NALF1: variants seen among roughly 807,000 people sequenced by gnomAD.
NALF1 encodes the protein NALCN channel auxiliary factor 1, also known as family with sequence similarity 155 member A.
Under a neutral mutation model 48.4 loss-of-function variants are expected in NALF1, and 3 were observed. The ratio of observed to expected loss-of-function variants is 0.06; its 90% confidence interval spans 0.03 to 0.16. The LOEUF (loss-of-function observed/expected upper bound fraction) is 0.16. NALF1 is among the 10% of genes least tolerant of loss of function. The probability of loss-of-function intolerance (pLI) is 1.00; values close to 1 mark genes in which losing one functional copy is unlikely to be tolerated. For missense variants in NALF1, 526 were observed against 571.5 expected, an observed-to-expected ratio of 0.92 and a Z score of 0.81; for synonymous variants, 262 against 245.7, an observed-to-expected ratio of 1.07 and a Z score of -0.62.
intron 1 of NALF1, among the ~76,000 whole-genome samples, chr13:107,596,452 A>G (rs1164094458): frequency 1.3e-5 from 2 of 152,238 alleles, no homozygotes; most frequent in African/African-American, 2.4e-5. Flanking sequence ...TTGGATAAAG[A>G]AAATGTGGCA....
chr13:107,839,895 T>A (rs2138634142), intron 1 of NALF1, among the ~76,000 whole-genome samples: 1 of 152,312 alleles, frequency 6.6e-6, no homozygotes, highest in African/African-American at 2.4e-5. Flanking sequence ...CTTAAACTTG[T>A]ATCTCCTTCC....
At chr13:107,294,829 A>G (rs1241038980) in intron 1 of NALF1, among the ~76,000 whole-genome samples, 1 of 152,216 alleles carries the variant, frequency 6.6e-6, no homozygotes, top group Non-Finnish European at 1.5e-5. Context: ...GGATAAGAGT[A>G]AAATACGTAC....
At chr13:107,303,056 G>T (rs1175950651) in intron 1 of NALF1, among the ~76,000 whole-genome samples, 1 of 152,086 alleles carries the variant, frequency 6.6e-6, no homozygotes, top group East Asian at 1.9e-4. Flanking sequence ...TTTATTTTTT[G>T]TTGTTGTTTG....
intron 1 of NALF1, among the ~76,000 whole-genome samples, chr13:107,857,014 T>C (rs969959154): frequency 1.3e-5 from 2 of 152,226 alleles, no homozygotes; most frequent in Non-Finnish European, 2.9e-5. Context: ...ACACAAAGCA[T>C]TGGATAGTAA....
chr13:107,675,563 A>G (rs1350556000), intron 1 of NALF1, among the ~76,000 whole-genome samples: 1 of 152,134 alleles, frequency 6.6e-6, no homozygotes, highest in African/African-American at 2.4e-5. Context: ...AAGTCCTCAA[A>G]TAAGTGTTTT....
At chr13:107,755,409 GTC>G (rs1237995138) in intron 1 of NALF1, among the ~76,000 whole-genome samples, 1 of 151,724 alleles carries the variant, frequency 6.6e-6, no homozygotes, top group Non-Finnish European at 1.5e-5. Flanking sequence ...GCTTTTGCTT[GTC>G]TCTACTTGGT....
intron 1 of NALF1, among the ~76,000 whole-genome samples, chr13:107,393,413 T>G (rs1382126047): frequency 6.6e-6 from 1 of 152,116 alleles, no homozygotes; most frequent in Non-Finnish European, 1.5e-5. Context: ...GTTTTCAAAT[T>G]TATCAATATT....
chr13:107,507,888 T>C (rs2491589), intron 1 of NALF1, among the ~76,000 whole-genome samples: 12,861 of 152,228 alleles, frequency 0.084, 1,370 homozygotes, highest in African/African-American at 0.25. Flanking sequence ...CTGAATGCTC[T>C]TCCAATGCAA....
In NALF1 at chr13:107,866,689, C is replaced by T. The variant is rs1160622762; in HGVS notation, c.-93G>A. On this transcript the variant is annotated 5_prime_UTR_variant, in exon 1 of 3. Coordinates refer to ENST00000375915, the MANE Select transcript of NALF1 (RefSeq NM_001080396.3). The surrounding 1 kb of genome is among the most constrained non-coding windows in gnomAD (Gnocchi z 4.4). ...GCATTGACTTAAAGGGTTTAATTTC[C>T]TTATCCCCTCCTCCCGTTTCTTCTC... 6 of 1,016,950 alleles carry T rather than the reference C, an allele frequency of 5.9e-6. No homozygotes were observed. Among genetic ancestry groups the T allele is most frequent in the Non-Finnish European group, 8.7e-6 (6 of 693,084 alleles). 63.0% of individuals were successfully genotyped at this position (1,016,950 alleles called of 1,614,324 possible).
intron 1 of NALF1, among the ~76,000 whole-genome samples, chr13:107,452,060 T>C (rs1202823043): frequency 1.3e-5 from 2 of 151,614 alleles, no homozygotes; most frequent in Non-Finnish European, 2.9e-5. Context: ...TCTATCCATA[T>C]AGTGTATTTC....
chr13:107,464,423 A>G (rs1013445424), intron 1 of NALF1, among the ~76,000 whole-genome samples: 6 of 152,228 alleles, frequency 3.9e-5, no homozygotes, highest in Admixed American at 2.0e-4. Flanking sequence ...GGAAGAATGT[A>G]TTAGACTGTG....
chr13:107,799,425 T>C (rs75691660), intron 1 of NALF1, among the ~76,000 whole-genome samples: 4,107 of 152,260 alleles, frequency 0.027, 200 homozygotes, highest in African/African-American at 0.094. Context: ...GTACATGATA[T>C]ACACTCAGTA....
At chr13:107,581,360 G>A (rs988122020) in intron 1 of NALF1, among the ~76,000 whole-genome samples, 5 of 152,110 alleles carry the variant, frequency 3.3e-5, no homozygotes, top group South Asian at 2.1e-4. Flanking sequence ...CTATCATTCC[G>A]TATCTGATTC....
chr13:107,561,050 G>T (rs910959312), intron 1 of NALF1, among the ~76,000 whole-genome samples: 1 of 152,084 alleles, frequency 6.6e-6, no homozygotes, highest in Non-Finnish European at 1.5e-5. Context: ...GAATGCCCTT[G>T]TCAGTATTTG....
At chr13:107,653,657 A>G (rs975363020) in intron 1 of NALF1, among the ~76,000 whole-genome samples, 1 of 151,980 alleles carries the variant, frequency 6.6e-6, no homozygotes, top group African/African-American at 2.4e-5. Context: ...AAGAACAGGA[A>G]TCTATGAGAG....
rs184073324 is a variant in NALF1, at chr13:107,168,762, G to A, written c.*1735C>T. 6.6e-6 allele frequency: 1 copy of A among 152,490 alleles called. No homozygotes were observed. Among genetic ancestry groups the A allele is most frequent in the African/African-American group, 2.4e-5 (1 of 41,476 alleles). 9.4% of individuals were successfully genotyped at this position (152,490 alleles called of 1,614,324 possible). On this transcript the variant is annotated 3_prime_UTR_variant, in exon 3 of 3. Coordinates refer to ENST00000375915, the MANE Select transcript of NALF1 (RefSeq NM_001080396.3). ...TATGCATACTGTACGCATGTCGCAGGGTTAAGTATGATGCAGAGGTTAAAG... is the reference window on the plus strand; with the variant it reads ...TATGCATACTGTACGCATGTCGCAGAGTTAAGTATGATGCAGAGGTTAAAG...
chr13:107,185,036 A>G (rs1879142899), intron 2 of NALF1, among the ~76,000 whole-genome samples: 2 of 152,206 alleles, frequency 1.3e-5, no homozygotes, highest in Non-Finnish European at 2.9e-5. Flanking sequence ...GGAAACACAG[A>G]GGGAAGATGA....
chr13:107,444,334 A>C lies in NALF1; in HGVS notation c.916-233579T>G, dbSNP rs1299473215. ...TTCACCCTGTAGCAGACTTACATTG[A>C]TTGATGGGTTTGAGCTTGTAATTTA... On this transcript the variant is annotated intron_variant, in intron 1 of 2. Coordinates refer to ENST00000375915, the MANE Select transcript of NALF1 (RefSeq NM_001080396.3). 2.0e-5 allele frequency among the ~76,000 whole-genome samples: 3 copies of C among 152,278 alleles called. No homozygotes were observed. The South Asian group carries it at 6.2e-4, about 32-fold the overall frequency.
chr13:107,438,810 A>G (rs941877076), intron 1 of NALF1, among the ~76,000 whole-genome samples: 8 of 124,280 alleles, frequency 6.4e-5, no homozygotes, highest in Non-Finnish European at 1.2e-4. Flanking sequence ...CCTGGATGAC[A>G]GAGTGAGACT....
Sources: gnomAD v4.1 joint callset for allele counts (sites outside exome capture counted in the v4.1 genomes callset) on GRCh38, gnomAD v4.1.1 for gene constraint, Gnocchi (gnomAD v3.1) non-coding constraint, MANE v1.5 for transcripts, NCBI Gene and HGNC (gene_info 2026-07-23, HGNC 2026-07-21) for gene names.